Variants in BRD7 observed in about 807,000 individuals in gnomAD.
The protein encoded by BRD7 is bromodomain-containing protein 7.
BRD7 carries 15 observed loss-of-function variants against 82.1 expected under a neutral mutation model. That is an observed-to-expected ratio of 0.18 (90% CI 0.12 to 0.28). The LOEUF (loss-of-function observed/expected upper bound fraction) is 0.28. Among genes scored for constraint, BRD7 ranks in the 10% least tolerant of loss-of-function variants. The pLI, the probability that BRD7 is intolerant of heterozygous loss-of-function variation, is 1.00. For missense variants in BRD7, 638 were observed against 779.9 expected, an observed-to-expected ratio of 0.82 and a Z score of 2.17; for synonymous variants, 232 against 266.9, an observed-to-expected ratio of 0.87 and a Z score of 1.27.
At chr16:50,358,416 A>G (rs1240422213) in intron 2 of BRD7, among the ~76,000 whole-genome samples, 4 of 148,038 alleles carry the variant, frequency 2.7e-5, no homozygotes, top group Admixed American at 1.4e-4. Flanking sequence ...GCATGGCTTG[A>G]GCCCAGGAGG....
chr16:50,361,712 C>T (rs1399526739), intron 2 of BRD7: 1 of 152,218 alleles, frequency 6.6e-6, no homozygotes, highest in African/African-American at 2.4e-5. Context: ...GCTCAAACTC[C>T]TTACTCTGCC....
intron 2 of BRD7, among the ~76,000 whole-genome samples, chr16:50,363,676 CGCGTGT>C (rs1337730984): frequency 3.3e-4 from 21 of 62,768 alleles, no homozygotes; most frequent in Admixed American, 1.7e-3. Context: ...CGCGCGCGTG[CGCGTGT>C]GCTTCCCCCA....
chr16:50,358,345 C>T (rs371102137), intron 2 of BRD7, among the ~76,000 whole-genome samples: 152 of 712 alleles, frequency 0.21, no homozygotes, highest in Admixed American at 0.32. Context: ...GGCAACATAG[C>T]GAAATCCAGG....
chr16:50,338,679 C>T (rs1302016645), intron 6 of BRD7, among the ~76,000 whole-genome samples: 1 of 152,194 alleles, frequency 6.6e-6, no homozygotes, highest in African/African-American at 2.4e-5. Flanking sequence ...ATCCTCTCTA[C>T]TCTACCTCTT....
In BRD7 at chr16:50,325,903, C is replaced by G. The variant is rs768478859; in HGVS notation, c.1196-20G>C. ...ATAACACTGTTGAAAAAATCAAATA[C>G]TGTAACACTATTCTTTAACTTGCAT... On this transcript the variant is annotated intron_variant, in intron 10 of 16. Coordinates refer to ENST00000394688, the MANE Select transcript of BRD7 (RefSeq NM_013263.5). The G allele has an allele frequency of 7.0e-6, 11 of 1,570,252 alleles. No homozygotes were observed. In the Admixed American group the frequency reaches 2.2e-4, roughly 32 times the overall value.
At chr16:50,359,844 G>C (rs186730477) in intron 2 of BRD7, among the ~76,000 whole-genome samples, 1,650 of 151,808 alleles carry the variant, frequency 0.011, 31 homozygotes, top group African/African-American at 0.038. Context: ...GAAGGAGAAA[G>C]AATCTAGCTA....
At chr16:50,321,924 C>G (rs2037134985) in intron 13 of BRD7, 58 bp downstream of exon 13, 1 of 1,508,936 alleles carries the variant, frequency 6.6e-7, no homozygotes, top group East Asian at 2.3e-5. Flanking sequence ...CTCAAGACTT[C>G]TCTTACTCCC....
At chr16:50,332,227 GAACTACGCATCCAATAAAGGACT>G (rs151319814) in intron 8 of BRD7, among the ~76,000 whole-genome samples, 26,250 of 151,890 alleles carry the variant, frequency 0.17, 2,996 homozygotes, top group East Asian at 0.48. Flanking sequence ...AAATATGTGT[GAACTACGCATCCAATAAAGGACT>G]AACTACGCAT....
In BRD7 at chr16:50,328,760, G is replaced by C. The variant is rs1241163402; in HGVS notation, c.1012-16C>G. ...CAAATTCGCACTGCAATGACCCAAAGTATTCAGATGGAATGAAGTGTTTTA... is the reference window on the plus strand; with the variant it reads ...CAAATTCGCACTGCAATGACCCAAACTATTCAGATGGAATGAAGTGTTTTA... On this transcript the variant is annotated splice_polypyrimidine_tract_variant and intron_variant, in intron 8 of 16. Coordinates refer to ENST00000394688, the MANE Select transcript of BRD7 (RefSeq NM_013263.5). The C allele has an allele frequency of 3.1e-6, 5 of 1,610,946 alleles. No individual in the cohort carries two copies. Among genetic ancestry groups the C allele is most frequent in the Non-Finnish European group, 4.2e-6 (5 of 1,178,004 alleles).
At chr16:50,329,256 C>T (rs184938637) in intron 8 of BRD7, among the ~76,000 whole-genome samples, 18 of 152,258 alleles carry the variant, frequency 1.2e-4, no homozygotes, top group Admixed American at 6.5e-4. Context: ...TCTAAGAGCT[C>T]TGTGGGTCCT....
At chr16:50,343,079 T>G (rs1447726486) in intron 5 of BRD7, among the ~76,000 whole-genome samples, 1 of 152,240 alleles carries the variant, frequency 6.6e-6, no homozygotes, top group Non-Finnish European at 1.5e-5. Flanking sequence ...CAGAGAGCAA[T>G]TAACTTTCAT....
intron 4 of BRD7, among the ~76,000 whole-genome samples, chr16:50,353,788 T>C (rs1240243488): frequency 3.4e-5 from 5 of 146,922 alleles, no homozygotes; most frequent in Admixed American, 6.9e-5. Flanking sequence ...TAAGTACAGA[T>C]GGGGTTTCAC....
At chr16:50,321,935 C>A in intron 13 of BRD7, 47 bp downstream of exon 13, 1 of 1,548,074 alleles carries the variant, frequency 6.5e-7, no homozygotes, top group South Asian at 1.1e-5. Flanking sequence ...TCTTACTCCC[C>A]TTATTTTCCA....
chr16:50,320,080 A>C (rs1414118144), intron 15 of BRD7, 50 bp from the exon 16 acceptor site: 1 of 1,563,614 alleles, frequency 6.4e-7, no homozygotes, highest in Non-Finnish European at 8.6e-7. Flanking sequence ...TCCTTTAGAT[A>C]GAGGCATCCC....
At chr16:50,325,302 G>T (rs2037290218) in intron 11 of BRD7, among the ~76,000 whole-genome samples, 1 of 152,148 alleles carries the variant, frequency 6.6e-6, no homozygotes, top group South Asian at 2.1e-4. Context: ...GCATGTGATT[G>T]GTCAAAAAGG....
chr16:50,334,462 T>C (rs373602915), intron 7 of BRD7, among the ~76,000 whole-genome samples: 21 of 152,318 alleles, frequency 1.4e-4, no homozygotes, highest in Admixed American at 1.1e-3. Context: ...AGACACTTTA[T>C]AGGTTTTAAA....
intron 2 of BRD7, among the ~76,000 whole-genome samples, chr16:50,367,073 G>A (rs1446307472): frequency 1.3e-5 from 2 of 152,176 alleles, no homozygotes; most frequent in Non-Finnish European, 2.9e-5. Flanking sequence ...ACTTAGCAAT[G>A]TGTTCAATCA....
At chr16:50,330,588 T>C (rs2037523700) in intron 8 of BRD7, among the ~76,000 whole-genome samples, 1 of 152,192 alleles carries the variant, frequency 6.6e-6, no homozygotes, top group Non-Finnish European at 1.5e-5. Flanking sequence ...ATGAAGAATC[T>C]TATAAATCTA....
At chr16:50,358,731 G>T (rs1289996540) in intron 2 of BRD7, among the ~76,000 whole-genome samples, 2 of 152,108 alleles carry the variant, frequency 1.3e-5, no homozygotes, top group Non-Finnish European at 2.9e-5. Context: ...AGTTATCCTG[G>T]TCTACCGTAA....
Sources: gnomAD v4.1 joint callset for allele counts (sites outside exome capture counted in the v4.1 genomes callset) on GRCh38, gnomAD v4.1.1 for gene constraint, MANE v1.5 for transcripts, NCBI Gene and HGNC (gene_info 2026-07-23, HGNC 2026-07-21) for gene names.